Variants in NEK1 observed in about 807,000 individuals in gnomAD.
NEK1 encodes the protein NIMA related kinase 1.
In NEK1, 137 loss-of-function variants were observed where a neutral mutation model predicts 182.1. The ratio of observed to expected loss-of-function variants is 0.75; its 90% confidence interval spans 0.65 to 0.87. The LOEUF is 0.87. Among genes scored for constraint, NEK1 ranks in the 40% least tolerant of loss-of-function variants. The pLI is 0.00. For missense variants in NEK1, 1,391 were observed against 1,494.4 expected (o/e 0.93, Z 1.14); for synonymous variants, 513 against 492.2 (o/e 1.04, Z -0.56).
intron 27 of NEK1, among the ~76,000 whole-genome samples, chr4:169,462,107 T>C: frequency 6.6e-6 from 1 of 152,142 alleles, no homozygotes. Context: ...AGTAATAGTG[T>C]TAATGAGCAT....
intron 26 of NEK1, among the ~76,000 whole-genome samples, chr4:169,473,235 C>T (rs1235764374): frequency 6.8e-6 from 1 of 146,176 alleles, no homozygotes; most frequent in Non-Finnish European, 1.5e-5. Flanking sequence ...CACTGTATTC[C>T]AGCCTGTCTT....
chr4:169,562,021 T>C (rs1232281931), intron 13 of NEK1, 116 bp downstream of exon 13: 18 of 1,082,024 alleles, frequency 1.7e-5, no homozygotes, highest in South Asian at 1.1e-4. Flanking sequence ...AAAGAAGTTA[T>C]AGGTATTCGT....
chr4:169,546,732 C>A (rs1760529914), intron 18 of NEK1, among the ~76,000 whole-genome samples: 1 of 152,134 alleles, frequency 6.6e-6, no homozygotes, highest in Admixed American at 6.5e-5. Flanking sequence ...TTACGCAATG[C>A]CCTTCTTTGT....
At chr4:169,603,965 T>C (rs892348319) in intron 2 of NEK1, among the ~76,000 whole-genome samples, 1 of 152,138 alleles carries the variant, frequency 6.6e-6, no homozygotes, top group East Asian at 1.9e-4. Context: ...CCTCCCAAAG[T>C]GCTGAGATTA....
At chr4:169,453,453 A>T (rs56229657) in intron 27 of NEK1, among the ~76,000 whole-genome samples, 18,743 of 152,274 alleles carry the variant, frequency 0.12, 1,273 homozygotes, top group African/African-American at 0.17. Flanking sequence ...ATCTGGCCAT[A>T]AACTGGCCCC....
chr4:169,417,985 A>AC (rs1245195329), intron 31 of NEK1, among the ~76,000 whole-genome samples: 1 of 152,222 alleles, frequency 6.6e-6, no homozygotes, highest in Non-Finnish European at 1.5e-5. Flanking sequence ...AAACTTTGCA[A>AC]GGTAGTTTTC....
chr4:169,423,330 T>G (rs1735803798), intron 31 of NEK1, among the ~76,000 whole-genome samples: 1 of 152,196 alleles, frequency 6.6e-6, no homozygotes, highest in Non-Finnish European at 1.5e-5. Context: ...CTCGAGCTCC[T>G]GAGCTCAAAT....
rs559124206 is a variant in NEK1, at chr4:169,499,988, G to GC, written c.2007+7048dup. 2.9e-3 allele frequency among the ~76,000 whole-genome samples: 437 copies of GC among 152,344 alleles called. 2 individuals are homozygous for GC. Among genetic ancestry groups the GC allele is most frequent in the African/African-American group, 9.5e-3 (393 of 41,570 alleles). On this transcript the variant is annotated intron_variant, in intron 23 of 35. Coordinates refer to ENST00000507142, the MANE Select transcript of NEK1 (RefSeq NM_001199397.3). ...GCTGCCTTTTGTTTGGCTATGCCCT[G>GC]CCCCCAGAGGTGGAGTCTACAGAGG...
intron 19 of NEK1, among the ~76,000 whole-genome samples, chr4:169,518,377 C>G (rs1256340685): frequency 3.0e-5 from 4 of 133,728 alleles, no homozygotes; most frequent in African/African-American, 9.9e-5. Flanking sequence ...TTTATTGTGT[C>G]TATTTGATTC....
At chr4:169,401,551 T>C in intron 33 of NEK1, 101 bp downstream of exon 33, 2 of 921,906 alleles carry the variant, frequency 2.2e-6, no homozygotes, top group Non-Finnish European at 3.2e-6. Context: ...TCAGTTGTAT[T>C]TAAAGTTGGA....
At chr4:169,409,685 T>C (rs1430161902) in intron 31 of NEK1, among the ~76,000 whole-genome samples, 1 of 152,092 alleles carries the variant, frequency 6.6e-6, no homozygotes, top group Non-Finnish European at 1.5e-5. Flanking sequence ...GGAGAATTGC[T>C]TAAACCTAGG....
At chr4:169,592,887 T>G (rs180826812) in intron 5 of NEK1, among the ~76,000 whole-genome samples, 4 of 152,268 alleles carry the variant, frequency 2.6e-5, no homozygotes, top group Non-Finnish European at 5.9e-5. Flanking sequence ...ATAAGCTTTT[T>G]AACAGAGATA....
chr4:169,561,872 C>T lies in NEK1; in HGVS notation c.1100G>A (p.Arg367Lys). The T allele has an allele frequency of 6.2e-7, 1 of 1,607,598 alleles. No individual in the cohort carries two copies. Among genetic ancestry groups the T allele is most frequent in the Non-Finnish European group, 8.5e-7 (1 of 1,177,838 alleles). Reference sequence around the variant, plus strand: ...CTTTTCTTTTTCAATAAATTCCAGCCTTCTCTTTCTTGCTGCTTCCTTAAA... The same window carrying T: ...CTTTTCTTTTTCAATAAATTCCAGCTTTCTCTTTCTTGCTGCTTCCTTAAA... ...KISEEAARKR[R>K]LEFIEKEKKQ... Residue 367 changes from arginine (R) to lysine (K), a missense_variant, in exon 14 of 36, where the codon AGG (arginine) becomes AAG (lysine). Transcript: ENST00000507142.
chr4:169,525,857 C>CT (rs1370746594), intron 19 of NEK1, among the ~76,000 whole-genome samples: 1 of 152,196 alleles, frequency 6.6e-6, no homozygotes, highest in Non-Finnish European at 1.5e-5. Flanking sequence ...AAAGCATAAT[C>CT]TTGAGAGTCA....
intron 12 of NEK1, among the ~76,000 whole-genome samples, chr4:169,576,196 C>T (rs1253116349): frequency 6.6e-6 from 1 of 151,920 alleles, no homozygotes; most frequent in African/African-American, 2.4e-5. Context: ...AACTCCTGAC[C>T]CCAAGTGACC....
At chr4:169,591,805 T>C (rs2150098357) in intron 5 of NEK1, among the ~76,000 whole-genome samples, 1 of 152,234 alleles carries the variant, frequency 6.6e-6, no homozygotes, top group East Asian at 1.9e-4. Flanking sequence ...CTACATACAA[T>C]TTAAAACAAC....
At chr4:169,421,897 T>G (rs1346905591) in intron 31 of NEK1, among the ~76,000 whole-genome samples, 1 of 152,158 alleles carries the variant, frequency 6.6e-6, no homozygotes, top group African/African-American at 2.4e-5. Flanking sequence ...ATCAACCAAT[T>G]TGACTTTATA....
rs1393300074 is a variant in NEK1 at position 169,424,597 on chromosome 4, G to C, written c.3178C>G (p.Leu1060Val). Reference sequence around the variant, plus strand: ...AACAGACCAGTTGAAAGTCCAATCAGCAAGGAATTCTTGTTTTTATTTTTT... The same window carrying C: ...AACAGACCAGTTGAAAGTCCAATCACCAAGGAATTCTTGTTTTTATTTTTT... ...PPKNKNKNSL[L>V]IGLSTGLFDA... is the part of the protein sequence containing the mutation. The change falls in exon 31 of 36, where the codon CTG (leucine) becomes GTG (valine). Residue 1060 changes from leucine (L) to valine (V), a missense_variant. Coordinates refer to ENST00000507142, the MANE Select transcript of NEK1 (RefSeq NM_001199397.3). The C allele has an allele frequency of 6.2e-7, 1 of 1,611,730 alleles. No homozygotes were observed. Among genetic ancestry groups the C allele is most frequent in the Non-Finnish European group, 8.5e-7 (1 of 1,178,248 alleles).
intron 30 of NEK1, 99 bp from the exon 31 acceptor site, chr4:169,424,899 A>T: frequency 8.1e-7 from 1 of 1,236,148 alleles, no homozygotes; most frequent in Non-Finnish European, 1.1e-6. Context: ...TTCTAGCAAA[A>T]AACCCACATA....
Sources: gnomAD v4.1 joint callset for allele counts (sites outside exome capture counted in the v4.1 genomes callset) on GRCh38, gnomAD v4.1.1 for gene constraint, MANE v1.5 for transcripts, NCBI Gene and HGNC (gene_info 2026-07-23, HGNC 2026-07-21) for gene names.